FAM13C: variants seen among roughly 807,000 people sequenced by gnomAD.
FAM13C encodes family with sequence similarity 13 member C, also known as protein FAM13C.
A neutral mutation model predicts 73.2 loss-of-function variants in FAM13C; 37 were observed. The observed-to-expected ratio is 0.51, with a 90% confidence interval of 0.39 to 0.67. The LOEUF (loss-of-function observed/expected upper bound fraction) is 0.67, where lower values mean the gene tolerates loss of function less well. Ranked by LOEUF, FAM13C falls within the 30% of genes least tolerant of loss-of-function variation. FAM13C has a pLI of 0.00. For synonymous variants in FAM13C, 246 were observed against 260.9 expected (o/e 0.94, Z 0.55); for missense variants, 589 against 715.6 (o/e 0.82, Z 2.02).
intron 5 of FAM13C, among the ~76,000 whole-genome samples, chr10:59,292,756 CGGT>C (rs1262238434): frequency 6.6e-6 from 1 of 152,126 alleles, no homozygotes; most frequent in Admixed American, 6.5e-5. Context: ...ACAGGGTACA[CGGT>C]GAGTTTTGAT....
intron 3 of FAM13C, among the ~76,000 whole-genome samples, chr10:59,344,396 G>C (rs1424337390): frequency 6.9e-6 from 1 of 145,844 alleles, no homozygotes; most frequent in Non-Finnish European, 1.5e-5. Flanking sequence ...CTCCTGCCTC[G>C]GCCTCCCAAG....
At chr10:59,350,004 C>A (rs1454301846) in intron 3 of FAM13C, among the ~76,000 whole-genome samples, 1 of 152,142 alleles carries the variant, frequency 6.6e-6, no homozygotes, top group Non-Finnish European at 1.5e-5. Context: ...TACCAAGTGT[C>A]CTTACATTCT....
intron 4 of FAM13C, among the ~76,000 whole-genome samples, chr10:59,309,064 A>T (rs1359936242): frequency 6.6e-6 from 1 of 152,216 alleles, no homozygotes; most frequent in Non-Finnish European, 1.5e-5. Context: ...AGCAGAGGAA[A>T]GTGTTTCCTA....
intron 6 of FAM13C, among the ~76,000 whole-genome samples, chr10:59,280,889 C>G (rs917556286): frequency 6.6e-6 from 1 of 152,122 alleles, no homozygotes; most frequent in Non-Finnish European, 1.5e-5. Context: ...ATGAATTTAT[C>G]CTTTGAATGT....
chr10:59,342,731 T>G (rs936249224), intron 3 of FAM13C, among the ~76,000 whole-genome samples: 1 of 152,202 alleles, frequency 6.6e-6, no homozygotes, highest in Admixed American at 6.5e-5. Context: ...ATGTTATGCC[T>G]CAGTTCCTGA....
At chr10:59,325,593 T>G (rs1421605397) in intron 3 of FAM13C, among the ~76,000 whole-genome samples, 1 of 152,152 alleles carries the variant, frequency 6.6e-6, no homozygotes, top group African/African-American at 2.4e-5. Flanking sequence ...GGTTTTCACG[T>G]GAGACAGAAT....
Position 59,247,271 on chromosome 10 carries a change from A to C in FAM13C, c.*343T>G. 4.5e-6 allele frequency: 1 copy of C among 220,154 alleles called. No homozygotes were observed. Among genetic ancestry groups the C allele is most frequent in the Non-Finnish European group, 8.8e-6 (1 of 113,582 alleles). 13.6% of individuals were successfully genotyped at this position (220,154 alleles called of 1,614,324 possible). Reference sequence around the variant, plus strand: ...ATACATCAACATAAACAGTCTTTGGATACTAAATAAACTTTCCCTAACAAG... The same window carrying C: ...ATACATCAACATAAACAGTCTTTGGCTACTAAATAAACTTTCCCTAACAAG... On this transcript the variant is annotated 3_prime_UTR_variant, in exon 14 of 14. Transcript: ENST00000618804.
intron 2 of FAM13C, among the ~76,000 whole-genome samples, chr10:59,354,800 CT>C (rs1285433069): frequency 1.3e-5 from 2 of 151,978 alleles, no homozygotes; most frequent in African/African-American, 4.8e-5. Context: ...AAAATCTGTT[CT>C]TTGTTTACCT....
At chr10:59,327,502 C>T (rs1851314628) in intron 3 of FAM13C, 1 of 151,786 alleles carries the variant, frequency 6.6e-6, no homozygotes. Context: ...CTAGGGCTGC[C>T]AAAGAAAGTC....
intron 3 of FAM13C, among the ~76,000 whole-genome samples, chr10:59,340,198 G>A (rs1243780836): frequency 6.6e-6 from 1 of 151,394 alleles, no homozygotes; most frequent in Non-Finnish European, 1.5e-5. Context: ...AATTGTTGCA[G>A]TTACTGAATT....
At chr10:59,297,518 G>A (rs566780052) in intron 5 of FAM13C, among the ~76,000 whole-genome samples, 1 of 151,996 alleles carries the variant, frequency 6.6e-6, no homozygotes, top group East Asian at 1.9e-4. Context: ...AGGACTCAGC[G>A]ACTTCCATCT....
intron 13 of FAM13C, chr10:59,251,053 G>A (rs1280117919): frequency 6.5e-6 from 1 of 154,794 alleles, no homozygotes; most frequent in Non-Finnish European, 1.4e-5. Flanking sequence ...AAAAATAGAG[G>A]ACAGATGATA....
chr10:59,252,909 G>A lies in FAM13C; in HGVS notation c.1422C>T (p.Asp474=), dbSNP rs772896641. ...CAGTCTCATTAGAGTAGGTGAGGTG[G>A]TCACCAACAGGAAGGTGAGATGCTG... ...ADPASHLPVG[D]HLTYSNETEP... Residue 474 remains aspartate, a synonymous_variant, in exon 12 of 14, where the codon GAC becomes GAT. Transcript: ENST00000618804. The A allele has an allele frequency of 2.0e-5, 32 of 1,613,996 alleles. No individual in the cohort carries two copies. Among genetic ancestry groups the A allele is most frequent in the East Asian group, 1.6e-4 (7 of 44,888 alleles).
At chr10:59,329,362 T>TTTTTTTTTTTTTTTTTTA in intron 3 of FAM13C, among the ~76,000 whole-genome samples, 1 of 52,936 alleles carries the variant, frequency 1.9e-5, no homozygotes, top group Non-Finnish European at 3.7e-5. Flanking sequence ...TTTTTTTTTT[T>TTTTTTTTTTTTTTTTTTA]TTTTTTTTTT....
At chr10:59,283,484 G>C in intron 5 of FAM13C, 37 bp from the exon 6 acceptor site, 1 of 1,604,554 alleles carries the variant, frequency 6.2e-7, no homozygotes, top group Non-Finnish European at 8.5e-7. Context: ...GATCAGATTC[G>C]AGGGCTTGCA....
intron 3 of FAM13C, among the ~76,000 whole-genome samples, chr10:59,350,551 T>A (rs1589716771): frequency 6.6e-6 from 1 of 152,174 alleles, no homozygotes; most frequent in East Asian, 1.9e-4. Context: ...TCAGTAATAA[T>A]CTCAAGCTTA....
chr10:59,357,681 A>G (rs1482223375), intron 1 of FAM13C, among the ~76,000 whole-genome samples: 1 of 152,216 alleles, frequency 6.6e-6, no homozygotes, highest in Non-Finnish European at 1.5e-5. Flanking sequence ...AATTCCTATT[A>G]AAGTTATGAG....
intron 3 of FAM13C, among the ~76,000 whole-genome samples, chr10:59,338,138 T>C (rs1388947394): frequency 6.6e-6 from 1 of 152,170 alleles, no homozygotes; most frequent in Non-Finnish European, 1.5e-5. Context: ...TCAAATAACC[T>C]AATAGGTGGG....
chr10:59,349,602 C>CAA (rs80331289), intron 3 of FAM13C, among the ~76,000 whole-genome samples: 52 of 146,600 alleles, frequency 3.5e-4, no homozygotes, highest in African/African-American at 4.5e-4. Flanking sequence ...ACTAAAAATA[C>CAA]AAAAAAAAAA....
Sources: allele counts gnomAD v4.1 joint callset (sites outside exome capture counted in the v4.1 genomes callset), GRCh38; gene constraint gnomAD v4.1.1; transcripts MANE v1.5; gene names NCBI Gene and HGNC (gene_info 2026-07-23, HGNC 2026-07-21).